The following SUPT3H variants were observed in gnomAD, a reference collection of about 807,000 sequenced individuals.
SUPT3H encodes the protein SPT3 homolog, SAGA and STAGA complex component.
Under a neutral mutation model 44.3 loss-of-function variants are expected in SUPT3H, and 44 were observed. The ratio of observed to expected loss-of-function variants is 0.99; its 90% CI spans 0.78 to 1.28. The LOEUF (loss-of-function observed/expected upper bound fraction) is 1.28, where lower values mean the gene tolerates loss of function less well. Among genes scored for constraint, SUPT3H ranks in the 50% most tolerant of loss-of-function variants. The pLI, the probability that SUPT3H is intolerant of heterozygous loss-of-function variation, is 0.00. For missense variants in SUPT3H, 380 were observed against 387.1 expected (o/e 0.98, Z 0.15); for synonymous variants, 124 against 125.6 (o/e 0.99, Z 0.09).
intron 2 of SUPT3H, among the ~76,000 whole-genome samples, chr6:45,277,428 T>G (rs59029804): frequency 0.012 from 1,881 of 152,272 alleles, 51 homozygotes; most frequent in African/African-American, 0.043. Flanking sequence ...AAAGAGAATT[T>G]TTTTTGTACC....
intron 3 of SUPT3H, among the ~76,000 whole-genome samples, chr6:45,084,948 T>C (rs1488062349): frequency 2.0e-5 from 3 of 151,820 alleles, no homozygotes; most frequent in Admixed American, 6.6e-5. Context: ...CAACAGACAC[T>C]GGGAACTATA....
chr6:44,991,958 G>C (rs1224793108), intron 6 of SUPT3H, among the ~76,000 whole-genome samples: 1 of 152,116 alleles, frequency 6.6e-6, no homozygotes, highest in Non-Finnish European at 1.5e-5. Context: ...ACAACCATCT[G>C]CCCACCTACT....
intron 2 of SUPT3H, among the ~76,000 whole-genome samples, chr6:45,207,304 C>T (rs1763352768): frequency 6.6e-6 from 1 of 152,108 alleles, no homozygotes; most frequent in South Asian, 2.1e-4. Context: ...AAACTAGCCA[C>T]TGGATTTAGC....
At chr6:45,214,015 C>CAAAAAAAAAAAAAAAAAAAAAAAAAGAAA (rs11418358) in intron 2 of SUPT3H, among the ~76,000 whole-genome samples, 1 of 74,120 alleles carries the variant, frequency 1.3e-5, no homozygotes, top group African/African-American at 5.3e-5. Flanking sequence ...TTTTGAAATG[C>CAAAAAAAAAAAAAAAAAAAAAAAAAGAAA]AAAAAAAAAA....
rs1363649097 is a variant in SUPT3H at position 45,074,251 on chromosome 6, CATAAAGATAATAGGTACCATATAACT to C, written c.186+31645_186+31670del. On this transcript the variant is annotated intron_variant, in intron 3 of 10. Coordinates refer to ENST00000371459, the MANE Select transcript of SUPT3H (RefSeq NM_003599.4). Reference sequence around the variant, plus strand: ...CAAAATTAAGCATAAAAACTATAACCATAAAGATAATAGGTACCATATAACTATAAAGATAATAGATACCATATAAA... The same window carrying C: ...CAAAATTAAGCATAAAAACTATAACCATAAAGATAATAGATACCATATAAA... 2.6e-5 allele frequency among the ~76,000 whole-genome samples: 4 copies of C among 151,866 alleles called. No individual in the cohort carries two copies. In the East Asian group the frequency reaches 7.7e-4, roughly 29 times the overall value.
intron 2 of SUPT3H, among the ~76,000 whole-genome samples, chr6:45,272,009 TC>T (rs1437504542): frequency 6.6e-6 from 1 of 152,126 alleles, no homozygotes; most frequent in African/African-American, 2.4e-5. Flanking sequence ...GGCCAATTTC[TC>T]CCATTTGGAA....
At chr6:44,825,929 T>C (rs943215599), downstream of SUPT3H, among the ~76,000 whole-genome samples, 10 of 152,180 alleles carry the variant, frequency 6.6e-5, no homozygotes, top group African/African-American at 2.4e-4. Flanking sequence ...GAAATATGTA[T>C]GCGGCGTTCT....
At chr6:45,082,005 C>T (rs1583441776) in intron 3 of SUPT3H, among the ~76,000 whole-genome samples, 1 of 151,908 alleles carries the variant, frequency 6.6e-6, no homozygotes, top group Non-Finnish European at 1.5e-5. Context: ...AAAGAAAGTG[C>T]CACATCTATG....
intron 2 of SUPT3H, among the ~76,000 whole-genome samples, chr6:45,359,769 C>T (rs1210209724): frequency 3.3e-5 from 5 of 152,092 alleles, no homozygotes; most frequent in African/African-American, 4.8e-5. Flanking sequence ...ACAGGCTGGG[C>T]GCAGAGGCTT....
At chr6:45,080,902 G>C (rs545531050) in intron 3 of SUPT3H, among the ~76,000 whole-genome samples, 17 of 152,054 alleles carry the variant, frequency 1.1e-4, no homozygotes, top group Admixed American at 1.0e-3. Context: ...TTTAACTATA[G>C]CTGTAAAAAT....
At chr6:44,919,416 C>T (rs568092744) in intron 10 of SUPT3H, among the ~76,000 whole-genome samples, 109 of 151,276 alleles carry the variant, frequency 7.2e-4, no homozygotes, top group African/African-American at 2.5e-3. Flanking sequence ...ACTTTCTGGT[C>T]GTATATACAA....
intron 2 of SUPT3H, among the ~76,000 whole-genome samples, chr6:45,114,077 A>T (rs1351421572): frequency 6.6e-6 from 1 of 151,948 alleles, no homozygotes; most frequent in Non-Finnish European, 1.5e-5. Flanking sequence ...AAAATAAATA[A>T]TGCTGACGTA....
chr6:45,085,005 G>C (rs967610275), intron 3 of SUPT3H, among the ~76,000 whole-genome samples: 5 of 151,982 alleles, frequency 3.3e-5, no homozygotes, highest in African/African-American at 1.2e-4. Context: ...ACTACCTGTT[G>C]GGTCCTATGC....
chr6:45,227,976 A>C (rs1463902568), intron 2 of SUPT3H, among the ~76,000 whole-genome samples: 1 of 148,706 alleles, frequency 6.7e-6, no homozygotes, highest in African/African-American at 2.5e-5. Context: ...GAAAACAAGC[A>C]AAAAAAAAAC....
chr6:45,085,124 T>A (rs1438408486), intron 3 of SUPT3H, among the ~76,000 whole-genome samples: 2 of 152,004 alleles, frequency 1.3e-5, no homozygotes, highest in African/African-American at 4.8e-5. Context: ...AAAGTTGAAA[T>A]TTTTTAAAAA....
At chr6:45,156,182 T>G (rs1328140552) in intron 2 of SUPT3H, among the ~76,000 whole-genome samples, 4 of 152,192 alleles carry the variant, frequency 2.6e-5, no homozygotes, top group Admixed American at 2.0e-4. Context: ...AGCATGAGCA[T>G]AAGCTCATTT....
intron 2 of SUPT3H, among the ~76,000 whole-genome samples, chr6:45,158,363 T>C (rs1162462049): frequency 1.4e-5 from 2 of 141,324 alleles, no homozygotes; most frequent in Non-Finnish European, 3.0e-5. Flanking sequence ...GTAGTGGCAC[T>C]ATCTCGGCTC....
At chr6:44,865,014 T>C (rs935276612) in intron 10 of SUPT3H, among the ~76,000 whole-genome samples, 3 of 152,242 alleles carry the variant, frequency 2.0e-5, no homozygotes, top group African/African-American at 7.2e-5. Flanking sequence ...ACTTCTTGAA[T>C]ACTTTGCAGG....
intron 2 of SUPT3H, among the ~76,000 whole-genome samples, chr6:45,258,298 T>A (rs72858523): frequency 0.015 from 2,216 of 152,240 alleles, 25 homozygotes; most frequent in South Asian, 0.029. Context: ...GGGAAAAGGG[T>A]TAAAAGTCCA....
Sources: allele counts gnomAD v4.1 joint callset (sites outside exome capture counted in the v4.1 genomes callset), GRCh38; gene constraint gnomAD v4.1.1; transcripts MANE v1.5; gene names NCBI Gene and HGNC (gene_info 2026-07-23, HGNC 2026-07-21).